Variants in PROS1 observed in about 807,000 individuals in gnomAD.
PROS1 encodes the protein vitamin K-dependent protein S.
In PROS1, 29 loss-of-function variants were observed where a neutral mutation model predicts 75.9. The observed-to-expected ratio is 0.38, with a 90% CI of 0.28 to 0.52. The LOEUF (loss-of-function observed/expected upper bound fraction) is 0.52. PROS1 is among the 20% of genes least tolerant of loss of function. PROS1 has a pLI of 0.83. For missense variants in PROS1, 680 were observed against 810.3 expected (o/e 0.84, Z 1.95); for synonymous variants, 245 against 280.6 (o/e 0.87, Z 1.27).
At chr3:93,953,487 T>C (rs1037002051) in intron 1 of PROS1, among the ~76,000 whole-genome samples, 3 of 152,216 alleles carry the variant, frequency 2.0e-5, no homozygotes, top group Non-Finnish European at 2.9e-5. Context: ...ACCACGATTA[T>C]ATCAATAGAT....
chr3:93,879,001 A>G (rs1180574204), intron 13 of PROS1, among the ~76,000 whole-genome samples, 162 bp downstream of exon 13: 1 of 152,180 alleles, frequency 6.6e-6, no homozygotes, highest in Non-Finnish European at 1.5e-5. Context: ...AATAATAGAC[A>G]TTTTTTGAGT....
chr3:93,881,275 T>C (rs1366555945), intron 12 of PROS1, among the ~76,000 whole-genome samples: 6 of 152,070 alleles, frequency 3.9e-5, no homozygotes, highest in African/African-American at 7.2e-5. Context: ...TGAGCCATGA[T>C]TGCACCACTG....
intron 1 of PROS1, among the ~76,000 whole-genome samples, chr3:93,941,912 C>T (rs1709293968): frequency 6.6e-6 from 1 of 152,186 alleles, no homozygotes; most frequent in Admixed American, 6.5e-5. Context: ...TACCCGGCTC[C>T]TTCAGCTATA....
intron 1 of PROS1, among the ~76,000 whole-genome samples, chr3:93,940,983 A>G (rs1709277578): frequency 6.6e-6 from 1 of 152,028 alleles, no homozygotes; most frequent in Non-Finnish European, 1.5e-5. Context: ...ACCTTCCTCC[A>G]CAACTCACTA....
intron 3 of PROS1, among the ~76,000 whole-genome samples, chr3:93,918,978 G>T (rs2107190113): frequency 1.3e-5 from 2 of 151,858 alleles, no homozygotes; most frequent in South Asian, 2.1e-4. Flanking sequence ...CTCAGAACTT[G>T]ATTTTTATGA....
rs577710536 is a variant in PROS1 at position 93,915,646 on chromosome 3, T to A, written c.260-4941A>T. Among the ~76,000 whole-genome samples the A allele has an allele frequency of 6.6e-5, 10 of 152,356 alleles. No homozygotes were observed. In the South Asian group the frequency reaches 1.9e-3, roughly 28 times the overall value. On this transcript the variant is annotated intron_variant, in intron 3 of 14. Transcript: ENST00000394236. Reference sequence around the variant, plus strand: ...GTAACAATGTTGGTCTTTACTCTAGTTTCCAGTGCTTTGTTTCTCATTTCC... The same window carrying A: ...GTAACAATGTTGGTCTTTACTCTAGATTCCAGTGCTTTGTTTCTCATTTCC...
intron 1 of PROS1, among the ~76,000 whole-genome samples, chr3:93,956,562 AAACACAC>A (rs1709606301): frequency 1.1e-5 from 1 of 94,248 alleles, no homozygotes; most frequent in Admixed American, 1.3e-4. Context: ...ACACACACAC[AAACACAC>A]ACACACACAC....
intron 1 of PROS1, among the ~76,000 whole-genome samples, chr3:93,935,715 C>T (rs1225736349): frequency 6.6e-6 from 1 of 152,020 alleles, no homozygotes; most frequent in Non-Finnish European, 1.5e-5. Flanking sequence ...AGTGAGATTA[C>T]TTGGAATATT....
chr3:93,940,835 T>C (rs988798792), intron 1 of PROS1, among the ~76,000 whole-genome samples: 1 of 152,124 alleles, frequency 6.6e-6, no homozygotes, highest in Non-Finnish European at 1.5e-5. Context: ...TTATAAACTC[T>C]CCTTACAATT....
chr3:93,962,207 G>T (rs1159387451), intron 1 of PROS1, among the ~76,000 whole-genome samples: 1 of 152,044 alleles, frequency 6.6e-6, no homozygotes, highest in Non-Finnish European at 1.5e-5. Flanking sequence ...ACTGGGGTGT[G>T]TGTAGTGATC....
intron 1 of PROS1, among the ~76,000 whole-genome samples, chr3:93,971,249 G>T (rs1709876327): frequency 6.6e-6 from 1 of 151,664 alleles, no homozygotes; most frequent in African/African-American, 2.4e-5. Flanking sequence ...TTGGGAGGCT[G>T]AGGTGGGGGG....
intron 12 of PROS1, among the ~76,000 whole-genome samples, chr3:93,884,050 G>C (rs1379616516): frequency 6.6e-6 from 1 of 152,168 alleles, no homozygotes; most frequent in African/African-American, 2.4e-5. Flanking sequence ...TCACTAGATT[G>C]ATTCAATCCC....
chr3:93,898,590 G>T (rs774781117), intron 7 of PROS1, 21 bp from the exon 8 acceptor site: 15 of 1,610,016 alleles, frequency 9.3e-6, no homozygotes, highest in African/African-American at 1.3e-5. Context: ...AAAAACACAC[G>T]CACACAAACT....
At chr3:93,942,146 G>C (rs1455722754) in intron 1 of PROS1, among the ~76,000 whole-genome samples, 1 of 152,078 alleles carries the variant, frequency 6.6e-6, no homozygotes, top group African/African-American at 2.4e-5. Context: ...CCACTCACCA[G>C]CAAAGGCAGG....
intron 10 of PROS1, among the ~76,000 whole-genome samples, chr3:93,891,015 G>A (rs958723517): frequency 5.3e-5 from 8 of 152,110 alleles, no homozygotes; most frequent in Admixed American, 4.6e-4. Context: ...TGAGACAAGA[G>A]AATCACCTGA....
chr3:93,915,832 C>G (rs1208908301), intron 3 of PROS1, among the ~76,000 whole-genome samples: 1 of 152,082 alleles, frequency 6.6e-6, no homozygotes, highest in Non-Finnish European at 1.5e-5. Context: ...TCACAGCAAT[C>G]TAGGCTCTTC....
rs781518482 is a variant in PROS1 at position 93,879,136 on chromosome 3, G to A, written c.1644+27C>T. On this transcript the variant is annotated intron_variant, in intron 13 of 14. Transcript: ENST00000394236. ...TTTAAAAAATGAAAAGAAAAACAAGGCTTATATAGGTTTAGAGTTAAGTTA... is the reference window on the plus strand; with the variant it reads ...TTTAAAAAATGAAAAGAAAAACAAGACTTATATAGGTTTAGAGTTAAGTTA... 6.2e-6 allele frequency: 10 copies of A among 1,601,654 alleles called. No homozygotes were observed. The Admixed American group carries it at 1.7e-4, about 27-fold the overall frequency.
chr3:93,964,011 A>C (rs576572813), intron 1 of PROS1, among the ~76,000 whole-genome samples: 14 of 152,342 alleles, frequency 9.2e-5, no homozygotes, highest in Admixed American at 3.3e-4. Flanking sequence ...GACATTTATC[A>C]GTTCCCAAAT....
At chr3:93,970,088 T>A (rs924777094) in intron 1 of PROS1, among the ~76,000 whole-genome samples, 15 of 152,292 alleles carry the variant, frequency 9.8e-5, no homozygotes, top group Admixed American at 2.6e-4. Context: ...TTTTGGACTT[T>A]TTAGTAAAGA....
Sources: gnomAD v4.1 joint callset for allele counts (sites outside exome capture counted in the v4.1 genomes callset) on GRCh38, gnomAD v4.1.1 for gene constraint, MANE v1.5 for transcripts, NCBI Gene and HGNC (gene_info 2026-07-23, HGNC 2026-07-21) for gene names.